SCUBE2: variants seen among roughly 807,000 people sequenced by gnomAD.
The protein encoded by SCUBE2 is signal peptide, CUB domain and EGF like domain containing 2.
SCUBE2 carries 114 observed loss-of-function variants against 125.9 expected under a neutral mutation model. That is an observed-to-expected ratio of 0.91 (90% CI 0.78 to 1.06). SCUBE2 has a LOEUF of 1.06. Ranked by LOEUF, SCUBE2 falls within the 50% of genes least tolerant of loss-of-function variation. SCUBE2 has a pLI of 0.00. For missense variants in SCUBE2, 1,255 were observed against 1,301.8 expected, an observed-to-expected ratio of 0.96 and a Z score of 0.55; for synonymous variants, 459 against 492.9, an observed-to-expected ratio of 0.93 and a Z score of 0.91.
At chr11:9,038,305 T>C (rs1405226970) in intron 16 of SCUBE2, among the ~76,000 whole-genome samples, 1 of 152,158 alleles carries the variant, frequency 6.6e-6, no homozygotes, top group Non-Finnish European at 1.5e-5. Flanking sequence ...ATTTTAGAAC[T>C]GTGGCCAAGA....
At chr11:9,065,761 T>C in intron 7 of SCUBE2, 130 bp downstream of exon 7, 8 of 709,746 alleles carry the variant, frequency 1.1e-5, no homozygotes, top group Non-Finnish European at 1.5e-5. Context: ...ACACCCTGGT[T>C]CACAGGAGCT....
intron 22 of SCUBE2, 38 bp downstream of exon 22, chr11:9,021,838 G>T: frequency 6.8e-7 from 1 of 1,470,478 alleles, no homozygotes; most frequent in Non-Finnish European, 9.5e-7. Flanking sequence ...GGGAAGCTCT[G>T]TGGATAACTG....
chr11:9,047,259 C>A, intron 16 of SCUBE2, 97 bp downstream of exon 16: 1 of 1,256,784 alleles, frequency 8.0e-7, no homozygotes, highest in East Asian at 2.4e-5. Context: ...AAAGTGAGCC[C>A]TGAGAAGGGA....
Position 9,091,423 on chromosome 11 carries a change from G to T in SCUBE2, c.106C>A (p.Arg36=), listed in dbSNP as rs1403206141. The T allele has an allele frequency of 5.3e-6, 7 of 1,331,746 alleles. No homozygotes were observed. The South Asian group carries it at 1.2e-4, about 22-fold the overall frequency. 82.5% of individuals were successfully genotyped at this position (1,331,746 alleles called of 1,614,324 possible). ...LLLAGAVPPG[R]GRAAGPQEDV... ...TCCTGCGGCCCCGCGGCACGGCCCC[G>T]ACCCGGCGGGACGGCCCCCGCCAGC... Residue 36 remains arginine (R), a synonymous_variant, in exon 1 of 23, where the codon CGG becomes AGG. Coordinates refer to ENST00000649792, the MANE Select transcript of SCUBE2 (RefSeq NM_001367977.2). This position sits in a 1 kb window ranked among gnomAD's most constrained non-coding sequence, Gnocchi z 8.5.
At position 9,030,801 on chromosome 11, in the gene SCUBE2, G is replaced by A; in HGVS notation, c.2298C>T (p.Thr766=). ...SCFPCGGGLA[T]KHQGATSFQD... ...GAAAGGAAGTAGCTCCCTGATGTTT[G>A]GTGGCAAGGCCTCCTCCACAGGGGA... Residue 766 remains threonine, a synonymous_variant, in exon 18 of 23, where the codon ACC becomes ACT. Coordinates refer to ENST00000649792, the MANE Select transcript of SCUBE2 (RefSeq NM_001367977.2). 6.2e-7 allele frequency: 1 copy of A among 1,614,190 alleles called. No homozygotes were observed. Among genetic ancestry groups the A allele is most frequent in the Non-Finnish European group, 8.5e-7 (1 of 1,180,014 alleles).
intron 12 of SCUBE2, 65 bp downstream of exon 12, chr11:9,053,034 A>G: frequency 7.1e-7 from 1 of 1,409,088 alleles, no homozygotes; most frequent in South Asian, 1.2e-5. Flanking sequence ...GGAATCTAAC[A>G]CCTGGAGGCC....
At chr11:9,078,449 A>C (rs1416638012) in intron 3 of SCUBE2, among the ~76,000 whole-genome samples, 1 of 152,222 alleles carries the variant, frequency 6.6e-6, no homozygotes, top group Non-Finnish European at 1.5e-5. Flanking sequence ...CCTCCACTCC[A>C]GAGCCCCAAC....
At chr11:9,041,827 G>A (rs1857274125) in intron 16 of SCUBE2, among the ~76,000 whole-genome samples, 1 of 152,172 alleles carries the variant, frequency 6.6e-6, no homozygotes, top group Admixed American at 6.5e-5. Flanking sequence ...TTTTAAGACA[G>A]GAGATGGGTT....
intron 16 of SCUBE2, among the ~76,000 whole-genome samples, chr11:9,046,925 T>C (rs1857838243): frequency 6.6e-6 from 1 of 152,222 alleles, no homozygotes; most frequent in South Asian, 2.1e-4. Flanking sequence ...ATGGGATTCT[T>C]ACTCCTTAGC....
Position 9,021,072 on chromosome 11 carries a change from C to G in SCUBE2, c.3060G>C (p.Val1020=). 1 of 1,613,498 alleles carries G rather than the reference C, an allele frequency of 6.2e-7. No individual in the cohort carries two copies. The highest frequency in any genetic ancestry group is 1.1e-5 in the South Asian group (1 of 90,848). The change falls in exon 23 of 23, where the codon GTG becomes GTC. Residue 1020 remains valine (V), a synonymous_variant. Transcript: ENST00000649792. ...RSFIRLLRSK[V]SRFLRPYK ...ATTTGTAAGGTCTCAAAAACCTGGA[C>G]ACTTTGGAACGTAGCAATCGGATGA...
intron 8 of SCUBE2, 145 bp downstream of exon 8, chr11:9,060,263 A>C (rs1859535887): frequency 1.6e-6 from 1 of 618,232 alleles, no homozygotes; most frequent in African/African-American, 1.8e-5. Flanking sequence ...GCCCAGGGGG[A>C]AAAAGCTCCC....
Position 9,033,685 on chromosome 11 carries a change from C to T in SCUBE2, c.2114G>A (p.Arg705Lys). 6.2e-7 allele frequency: 1 copy of T among 1,614,136 alleles called. No individual in the cohort carries two copies. Among genetic ancestry groups the T allele is most frequent in the Non-Finnish European group, 8.5e-7 (1 of 1,180,020 alleles). ...EGQMTCEPCP[R>K]PGNSGALKTP... is the part of the protein sequence containing the mutation. ...CTTCAGGGCCCCAGAATTTCCTGGTCTTGGGCATGGTTCACAAGTCATTTG... is the reference window on the plus strand; with the variant it reads ...CTTCAGGGCCCCAGAATTTCCTGGTTTTGGGCATGGTTCACAAGTCATTTG... The change falls in exon 17 of 23, where the codon AGA becomes AAA. Residue 705 changes from arginine to lysine, a missense_variant. This residue lies in a region of SCUBE2 where 515 missense variants were observed against 515.7 expected (regional missense o/e 1.00). Transcript: ENST00000649792.
rs1855243324 is a variant in SCUBE2 at position 9,020,918 on chromosome 11, T to C, written c.*127A>G. 11 of 774,030 alleles carry C rather than the reference T, an allele frequency of 1.4e-5. No homozygotes were observed. Among genetic ancestry groups the C allele is most frequent in the Non-Finnish European group, 2.2e-5 (11 of 505,388 alleles). 47.9% of individuals were successfully genotyped at this position (774,030 alleles called of 1,614,324 possible). ...AAAATATCTGTATTATCTATAAAAA[T>C]TGAACTCTAATGAGTCACTGATACG... On this transcript the variant is annotated 3_prime_UTR_variant, in exon 23 of 23. Transcript: ENST00000649792.
At chr11:9,051,811 T>C (rs1211536145) in intron 13 of SCUBE2, among the ~76,000 whole-genome samples, 2 of 152,246 alleles carry the variant, frequency 1.3e-5, no homozygotes, top group East Asian at 3.8e-4. Context: ...GCATAGCCAT[T>C]AGCTATTTGC....
intron 19 of SCUBE2, among the ~76,000 whole-genome samples, chr11:9,029,290 G>A (rs1010693327): frequency 1.1e-4 from 16 of 152,144 alleles, no homozygotes; most frequent in Admixed American, 7.9e-4. Context: ...GACTCCCTTC[G>A]GCACATTCTA....
chr11:9,077,446 T>C (rs997814326), intron 3 of SCUBE2, among the ~76,000 whole-genome samples: 2 of 152,222 alleles, frequency 1.3e-5, no homozygotes, highest in African/African-American at 4.8e-5. Flanking sequence ...ATTCAGGATC[T>C]TGAAGTGCTC....
intron 13 of SCUBE2, among the ~76,000 whole-genome samples, chr11:9,051,066 G>A (rs1463677238): frequency 6.6e-6 from 1 of 152,208 alleles, no homozygotes; most frequent in Non-Finnish European, 1.5e-5. Context: ...GGGAGGCTGA[G>A]GCAGGAGAAT....
At chr11:9,025,934 C>T (rs1202101630) in intron 20 of SCUBE2, 80 bp from the exon 21 acceptor site, 13 of 1,398,136 alleles carry the variant, frequency 9.3e-6, no homozygotes, top group Admixed American at 4.1e-5. Flanking sequence ...TCTTTCTAAA[C>T]ACTCAAACCA....
At chr11:9,048,849 T>C (rs1194193198) in intron 14 of SCUBE2, among the ~76,000 whole-genome samples, 2 of 152,204 alleles carry the variant, frequency 1.3e-5, no homozygotes, top group African/African-American at 4.8e-5. Context: ...TTTATTGAAA[T>C]GAAGTATTGC....
Sources: gnomAD v4.1 joint callset for allele counts (sites outside exome capture counted in the v4.1 genomes callset) on GRCh38, gnomAD v4.1.1 for gene constraint, gnomAD v4.1.1 regional missense constraint, Gnocchi (gnomAD v3.1) non-coding constraint, MANE v1.5 for transcripts, NCBI Gene and HGNC (gene_info 2026-07-23, HGNC 2026-07-21) for gene names.